TRAPPC9: variants seen among roughly 807,000 people sequenced by gnomAD.
TRAPPC9 encodes the protein IKK2 binding protein.
A neutral mutation model predicts 124.0 loss-of-function variants in TRAPPC9; 83 were observed. That is an observed-to-expected ratio of 0.67 (90% CI 0.56 to 0.80). The LOEUF (loss-of-function observed/expected upper bound fraction) is 0.80. TRAPPC9 is among the 30% of genes least tolerant of loss of function. The pLI, the probability that TRAPPC9 is intolerant of heterozygous loss-of-function variation, is 0.00. For synonymous variants in TRAPPC9, 638 were observed against 617.5 expected, an observed-to-expected ratio of 1.03 and a Z score of -0.49; for missense variants, 1,302 against 1,508.3, an observed-to-expected ratio of 0.86 and a Z score of 2.27.
rs561485189 is a variant in TRAPPC9, at chr8:140,036,108, C to T, written c.2557-12029G>A. ...GGGCTACAGAGAGAGCAGAGGCAGC[C>T]GCAGCCAGACCACACAGGCACACCA... On this transcript the variant is annotated intron_variant, in intron 17 of 22. Transcript: ENST00000438773. 1.1e-4 allele frequency among the ~76,000 whole-genome samples: 17 copies of T among 152,112 alleles called. 1 individual carries two copies. The South Asian group carries it at 1.5e-3, about 13-fold the overall frequency.
chr8:140,140,195 T>C (rs2061363147), intron 17 of TRAPPC9, among the ~76,000 whole-genome samples: 1 of 152,188 alleles, frequency 6.6e-6, no homozygotes, highest in Admixed American at 6.5e-5. Context: ...AACCACTCAT[T>C]GAATCAGGAG....
chr8:140,371,288 A>G lies in TRAPPC9; in HGVS notation c.1135-108T>C, dbSNP rs2068275192. The G allele has an allele frequency of 1.6e-5, 18 of 1,155,872 alleles. No homozygotes were observed. The South Asian group carries it at 2.4e-4, about 15-fold the overall frequency. 71.6% of individuals were successfully genotyped at this position (1,155,872 alleles called of 1,614,324 possible). A position where few individuals can be genotyped will look rare whatever the true frequency, so the allele number is the denominator to read the frequency against. ...TAAAACAAAGACCTGAGGAGAATCG[A>G]GGAGAATCAAGGAGAGGGAAAGCCT... On this transcript the variant is annotated intron_variant, in intron 7 of 22. Transcript: ENST00000438773.
chr8:139,925,230 G>A (rs1417487609), intron 19 of TRAPPC9, among the ~76,000 whole-genome samples: 9 of 152,324 alleles, frequency 5.9e-5, no homozygotes, highest in East Asian at 3.9e-4. Flanking sequence ...AAAATGCCCT[G>A]TTACAGAGCA....
chr8:140,187,649 C>T (rs1340686762), intron 17 of TRAPPC9, among the ~76,000 whole-genome samples: 2 of 152,182 alleles, frequency 1.3e-5, no homozygotes, highest in Non-Finnish European at 2.9e-5. Context: ...AAGATACCAA[C>T]TTCTCCTCGT....
At chr8:139,955,571 C>T (rs1834916911) in intron 19 of TRAPPC9, among the ~76,000 whole-genome samples, 1 of 152,188 alleles carries the variant, frequency 6.6e-6, no homozygotes, top group Non-Finnish European at 1.5e-5. Context: ...TAGGCTCCCT[C>T]CCAGGCAGCC....
At chr8:139,871,187 C>T (rs1422256828) in intron 21 of TRAPPC9, among the ~76,000 whole-genome samples, 2 of 152,138 alleles carry the variant, frequency 1.3e-5, no homozygotes, top group East Asian at 1.9e-4. Flanking sequence ...AGTGAGAGTC[C>T]GCCAGCTGAG....
intron 12 of TRAPPC9, among the ~76,000 whole-genome samples, chr8:140,289,695 AT>A (rs1200029067): frequency 1.3e-4 from 19 of 149,480 alleles, no homozygotes; most frequent in African/African-American, 3.9e-4. Flanking sequence ...AAAAAAAAAA[AT>A]GTGTAAGAAA....
At chr8:139,866,243 T>C (rs1265914403) in intron 21 of TRAPPC9, among the ~76,000 whole-genome samples, 5 of 151,948 alleles carry the variant, frequency 3.3e-5, no homozygotes. Context: ...GCTGGGGAGG[T>C]ATAATGAGGA....
intron 16 of TRAPPC9, among the ~76,000 whole-genome samples, chr8:140,228,453 G>A (rs1158254686): frequency 6.6e-6 from 1 of 152,180 alleles, no homozygotes; most frequent in Non-Finnish European, 1.5e-5. Flanking sequence ...CGGCATGCTC[G>A]TTCATTCAGA....
intron 8 of TRAPPC9, among the ~76,000 whole-genome samples, chr8:140,368,549 T>C (rs2132226729): frequency 6.6e-6 from 1 of 152,258 alleles, no homozygotes; most frequent in African/African-American, 2.4e-5. Flanking sequence ...CCTGAACACA[T>C]CTGCTTCACG....
intron 16 of TRAPPC9, among the ~76,000 whole-genome samples, chr8:140,237,148 T>C (rs568260166): frequency 4.7e-4 from 72 of 152,144 alleles, no homozygotes; most frequent in African/African-American, 1.7e-3. Context: ...GCCACTGCAC[T>C]CTGGCCTAGG....
At chr8:140,066,179 T>G (rs554746721) in intron 17 of TRAPPC9, among the ~76,000 whole-genome samples, 3 of 152,302 alleles carry the variant, frequency 2.0e-5, no homozygotes, top group Admixed American at 1.3e-4. Flanking sequence ...ATGGTAGAAA[T>G]AGCAGTAGAA....
chr8:140,197,640 T>C (rs572360109), intron 17 of TRAPPC9, among the ~76,000 whole-genome samples: 2 of 152,300 alleles, frequency 1.3e-5, no homozygotes, highest in East Asian at 3.9e-4. Flanking sequence ...CAGATACGTA[T>C]TGACATTTGG....
chr8:139,797,947 GTTC>G (rs1823219205), intron 21 of TRAPPC9, among the ~76,000 whole-genome samples: 1 of 152,122 alleles, frequency 6.6e-6, no homozygotes. Context: ...GTCCAACTTC[GTTC>G]TTCTTTTTCA....
chr8:140,031,859 A>T (rs1840515797), intron 17 of TRAPPC9, among the ~76,000 whole-genome samples: 1 of 152,224 alleles, frequency 6.6e-6, no homozygotes, highest in South Asian at 2.1e-4. Flanking sequence ...GGCTGAGAAG[A>T]GTTAGGACAC....
At chr8:140,240,202 T>C (rs2063825698) in intron 16 of TRAPPC9, among the ~76,000 whole-genome samples, 1 of 152,070 alleles carries the variant, frequency 6.6e-6, no homozygotes, top group South Asian at 2.1e-4. Context: ...CCACAGGCAG[T>C]TTGTCTTTCG....
intron 21 of TRAPPC9, among the ~76,000 whole-genome samples, chr8:139,817,245 G>C (rs1347493024): frequency 6.6e-6 from 1 of 152,200 alleles, no homozygotes; most frequent in Non-Finnish European, 1.5e-5. Flanking sequence ...CACCAGTTCA[G>C]TGGACATGGC....
intron 9 of TRAPPC9, among the ~76,000 whole-genome samples, chr8:140,354,536 G>T (rs2067681935): frequency 1.3e-5 from 2 of 152,164 alleles, no homozygotes; most frequent in African/African-American, 4.8e-5. Flanking sequence ...GGTACACATG[G>T]AGCAGAAGGC....
intron 7 of TRAPPC9, among the ~76,000 whole-genome samples, chr8:140,379,617 C>T (rs148445488): frequency 1.8e-4 from 27 of 151,980 alleles, no homozygotes; most frequent in African/African-American, 6.5e-4. Flanking sequence ...TATTGTTTGC[C>T]TTATAAAAGA....
Sources: allele counts gnomAD v4.1 joint callset (sites outside exome capture counted in the v4.1 genomes callset), GRCh38; gene constraint gnomAD v4.1.1; transcripts MANE v1.5; gene names NCBI Gene and HGNC (gene_info 2026-07-23, HGNC 2026-07-21).